Variants in TTC28 observed in about 807,000 individuals in gnomAD.
TTC28 encodes the protein tetratricopeptide repeat protein 28.
In TTC28, 61 loss-of-function variants were observed where a neutral mutation model predicts 198.0. The ratio of observed to expected loss-of-function variants is 0.31; its 90% CI spans 0.25 to 0.38. The LOEUF (loss-of-function observed/expected upper bound fraction) is 0.38, where lower values mean the gene tolerates loss of function less well. Among genes scored for constraint, TTC28 ranks in the 10% least tolerant of loss-of-function variants. The pLI, the probability that TTC28 is intolerant of heterozygous loss-of-function variation, is 1.00. For synonymous variants in TTC28, 1,171 were observed against 1,297.8 expected, an observed-to-expected ratio of 0.90 and a Z score of 2.10; for missense variants, 2,678 against 3,164.0, an observed-to-expected ratio of 0.85 and a Z score of 3.69.
intron 5 of TTC28, among the ~76,000 whole-genome samples, chr22:28,264,398 TC>T (rs2147308028): frequency 6.6e-6 from 1 of 152,246 alleles, no homozygotes; most frequent in South Asian, 2.1e-4. Context: ...GAGTATTTCT[TC>T]ATAGCAGTAT....
chr22:28,214,078 T>C (rs553060676), intron 5 of TTC28, among the ~76,000 whole-genome samples: 1 of 152,276 alleles, frequency 6.6e-6, no homozygotes, highest in South Asian at 2.1e-4. Context: ...GCTAGCCATA[T>C]GTAGAAAGCT....
At chr22:28,453,699 A>G (rs1317000491) in intron 2 of TTC28, among the ~76,000 whole-genome samples, 3 of 152,166 alleles carry the variant, frequency 2.0e-5, no homozygotes, top group Non-Finnish European at 4.4e-5. Flanking sequence ...TTGCCACTTT[A>G]TCATCATCTC....
At chr22:28,483,087 T>A (rs1379735067) in intron 2 of TTC28, among the ~76,000 whole-genome samples, 1 of 152,180 alleles carries the variant, frequency 6.6e-6, no homozygotes, top group African/African-American at 2.4e-5. Flanking sequence ...AATTGTAAGG[T>A]CATATGGTAA....
intron 6 of TTC28, among the ~76,000 whole-genome samples, chr22:28,141,020 G>T (rs1245968221): frequency 1.3e-5 from 2 of 151,122 alleles, no homozygotes; most frequent in African/African-American, 4.9e-5. Flanking sequence ...ATACAAGCAG[G>T]TTTTATTAAC....
In TTC28 at chr22:28,001,536, G is replaced by C. The variant is rs899892658; in HGVS notation, c.4236C>G (p.Ser1412Arg). Residue 1412 changes from serine to arginine, a missense_variant, in exon 15 of 23, where the codon AGC (serine) becomes AGG (arginine). Physicochemically the swap from Ser to Arg is moderately radical, Grantham distance 110. Around this residue, in one of 8 missense-constraint regions of TTC28, gnomAD observed 727 missense variants for 861.9 expected, o/e 0.84. Transcript: ENST00000397906. ...APMEGGLMHSSGPVGRHRQLI... is the reference protein window; with the variant it reads ...APMEGGLMHSRGPVGRHRQLI... ...GCTGCCGGTGCCGGCCCACGGGGCC[G>C]CTGGAGTGCATCAGGCCCTATGGAG... is the stretch of plus-strand genomic sequence containing the variant. The C allele has an allele frequency of 6.4e-7, 1 of 1,550,944 alleles. No individual in the cohort carries two copies. The highest frequency in any genetic ancestry group is 8.7e-7 in the Non-Finnish European group (1 of 1,146,808).
intron 6 of TTC28, among the ~76,000 whole-genome samples, chr22:28,121,461 G>A (rs995574056): frequency 4.6e-5 from 7 of 152,160 alleles, no homozygotes; most frequent in South Asian, 2.1e-4. Context: ...TTACAGCAAC[G>A]AGTGAGGACA....
At chr22:28,594,253 AATT>A (rs2050495509) in intron 2 of TTC28, among the ~76,000 whole-genome samples, 1 of 148,974 alleles carries the variant, frequency 6.7e-6, no homozygotes, top group Admixed American at 6.7e-5. Context: ...TTATTAATAT[AATT>A]ATATTTATTA....
At chr22:28,392,376 C>T (rs539293268) in intron 2 of TTC28, among the ~76,000 whole-genome samples, 3 of 152,188 alleles carry the variant, frequency 2.0e-5, no homozygotes, top group African/African-American at 7.2e-5. Context: ...CCACCCAGTT[C>T]GAGCTTCTGG....
At chr22:28,420,272 C>T (rs910833771) in intron 2 of TTC28, among the ~76,000 whole-genome samples, 2 of 152,068 alleles carry the variant, frequency 1.3e-5, no homozygotes, top group Admixed American at 1.3e-4. Flanking sequence ...ATAACTAGGG[C>T]TGCAGTAAAA....
At chr22:28,410,851 A>G (rs2047069810) in intron 2 of TTC28, among the ~76,000 whole-genome samples, 1 of 152,262 alleles carries the variant, frequency 6.6e-6, no homozygotes, top group Non-Finnish European at 1.5e-5. Flanking sequence ...TATAAGGCAG[A>G]ACTCTATTTT....
chr22:28,160,947 A>C (rs188455156), intron 6 of TTC28, among the ~76,000 whole-genome samples: 5 of 152,274 alleles, frequency 3.3e-5, no homozygotes, highest in Non-Finnish European at 5.9e-5. Flanking sequence ...GAGAGAAGAG[A>C]ATTTCACAGA....
intron 12 of TTC28, among the ~76,000 whole-genome samples, chr22:28,038,233 A>G (rs927263924): frequency 6.6e-6 from 1 of 152,220 alleles, no homozygotes; most frequent in Non-Finnish European, 1.5e-5. Flanking sequence ...CCAAAAGAAC[A>G]AAGCTGGAGG....
At chr22:28,119,901 A>G (rs1942739355) in intron 6 of TTC28, among the ~76,000 whole-genome samples, 2 of 152,240 alleles carry the variant, frequency 1.3e-5, no homozygotes, top group Admixed American at 6.5e-5. Context: ...AATTTAAGCA[A>G]AAGACTGAGA....
intron 2 of TTC28, among the ~76,000 whole-genome samples, chr22:28,344,904 A>T (rs2045882751): frequency 1.3e-5 from 2 of 152,216 alleles, no homozygotes; most frequent in Admixed American, 6.5e-5. Flanking sequence ...CATTTTACAT[A>T]AATTAATGTT....
chr22:28,143,028 A>G (rs983920663), intron 6 of TTC28, among the ~76,000 whole-genome samples: 3 of 152,188 alleles, frequency 2.0e-5, no homozygotes, highest in Non-Finnish European at 2.9e-5. Context: ...CTGTTGGGAC[A>G]TATCATAAAT....
At chr22:28,449,386 C>T (rs903671618) in intron 2 of TTC28, among the ~76,000 whole-genome samples, 5 of 152,220 alleles carry the variant, frequency 3.3e-5, no homozygotes, top group African/African-American at 1.2e-4. Context: ...ATTCTCTTAA[C>T]AGTACAATAA....
At chr22:28,104,423 C>T (rs1942239987) in intron 8 of TTC28, among the ~76,000 whole-genome samples, 1 of 152,162 alleles carries the variant, frequency 6.6e-6, no homozygotes, top group Non-Finnish European at 1.5e-5. Flanking sequence ...TGTGCAAAGC[C>T]CCCTGGAAAT....
At chr22:28,640,280 C>A (rs1402667639) in intron 1 of TTC28, among the ~76,000 whole-genome samples, 1 of 143,790 alleles carries the variant, frequency 7.0e-6, no homozygotes, top group Non-Finnish European at 1.5e-5. Flanking sequence ...GAAAAAATCC[C>A]CAAAATCAAC....
At chr22:28,074,824 GCGCAGTGGCTCA>G (rs1263291972) in intron 12 of TTC28, among the ~76,000 whole-genome samples, 1 of 152,222 alleles carries the variant, frequency 6.6e-6, no homozygotes, top group Non-Finnish European at 1.5e-5. Context: ...ATGAGGCCAG[GCGCAGTGGCTCA>G]CGCCTATAAT....
Sources: gnomAD v4.1 joint callset for allele counts (sites outside exome capture counted in the v4.1 genomes callset) on GRCh38, gnomAD v4.1.1 for gene constraint, gnomAD v4.1.1 regional missense constraint, MANE v1.5 for transcripts, NCBI Gene and HGNC (gene_info 2026-07-23, HGNC 2026-07-21) for gene names.